The following CPN1 variants were observed in gnomAD, a reference collection of about 807,000 sequenced individuals.
CPN1 encodes carboxypeptidase N subunit 1.
In CPN1, 37 loss-of-function variants were observed where a neutral mutation model predicts 46.4. That is an observed-to-expected ratio of 0.80 (90% confidence interval 0.61 to 1.05). The LOEUF (loss-of-function observed/expected upper bound fraction) is 1.05, where lower values mean the gene tolerates loss of function less well. CPN1 is among the 50% of genes least tolerant of loss of function. The probability of loss-of-function intolerance (pLI) is 0.00; values close to 1 mark genes in which losing one functional copy is unlikely to be tolerated. For missense variants in CPN1, 563 were observed against 602.6 expected, an observed-to-expected ratio of 0.93 and a Z score of 0.69; for synonymous variants, 224 against 235.4, an observed-to-expected ratio of 0.95 and a Z score of 0.44.
rs1432495292 is a variant in CPN1, at chr10:100,046,464, C to T, written c.1230+2294G>A. The stretch of plus-strand genomic sequence containing the variant: ...TCCAGCCTGGGCTACACAGAGAACC[C>T]GTCTCTACAAAAAATAACAAAAATT... On this transcript the variant is annotated intron_variant, in intron 8 of 8. Coordinates refer to ENST00000370418, the MANE Select transcript of CPN1 (RefSeq NM_001308.3). 2.6e-5 allele frequency among the ~76,000 whole-genome samples: 4 copies of T among 151,916 alleles called. No homozygotes were observed. In the East Asian group the frequency reaches 7.7e-4, roughly 29 times the overall value.
intron 2 of CPN1, among the ~76,000 whole-genome samples, chr10:100,075,282 T>G (rs1446558071): frequency 6.6e-6 from 1 of 152,114 alleles, no homozygotes; most frequent in Non-Finnish European, 1.5e-5. Flanking sequence ...AAAGTAAGAC[T>G]CTATCCCAAA....
At chr10:100,053,938 A>T (rs1406049119) in intron 7 of CPN1, among the ~76,000 whole-genome samples, 1 of 152,030 alleles carries the variant, frequency 6.6e-6, no homozygotes, top group Non-Finnish European at 1.5e-5. Context: ...CAAGTCAGCG[A>T]CAAGGCTAAC....
chr10:100,079,839 C>G (rs904387977), intron 1 of CPN1, among the ~76,000 whole-genome samples: 1 of 152,148 alleles, frequency 6.6e-6, no homozygotes, highest in South Asian at 2.1e-4. Context: ...AATCCCAACA[C>G]TTTGGGAGGC....
In CPN1 at chr10:100,076,494, T is replaced by G. The variant is rs1241812248; in HGVS notation, c.224-387A>C. Among the ~76,000 whole-genome samples the G allele has an allele frequency of 2.6e-5, 4 of 152,248 alleles. No individual in the cohort carries two copies. The East Asian group carries it at 7.7e-4, about 29-fold the overall frequency. On this transcript the variant is annotated intron_variant, in intron 1 of 8. Transcript: ENST00000370418. ...ATAGAGGCCCAAGCCCAGGTGGCAC[T>G]TACAGTGCCATTTACAGTAGCATGC...
At chr10:100,050,531 G>A (rs1200378874) in intron 7 of CPN1, among the ~76,000 whole-genome samples, 1 of 152,176 alleles carries the variant, frequency 6.6e-6, no homozygotes, top group Non-Finnish European at 1.5e-5. Context: ...GAGGCCCTGG[G>A]TTGGACAAAA....
At chr10:100,054,862 AT>A (rs1564771987) in intron 6 of CPN1, among the ~76,000 whole-genome samples, 4 of 95,376 alleles carry the variant, frequency 4.2e-5, no homozygotes, top group Non-Finnish European at 9.1e-5. Context: ...TTTTTTTTTA[AT>A]TTTTTTTATT....
rs567825978 is a variant in CPN1 at position 100,081,529 on chromosome 10, G to A, written c.97C>T (p.Arg33Trp). 1.2e-6 allele frequency: 2 copies of A among 1,614,148 alleles called. No homozygotes were observed. Among genetic ancestry groups the A allele is most frequent in the East Asian group, 2.2e-5 (1 of 44,872 alleles). ...TCGTTTTGCACCTTGTACAGCGTCC[G>A]CACAAGATCATCATAGCGGTGGTGG... is the stretch of plus-strand genomic sequence containing the variant. Reference protein sequence around the residue: ...FRHHRYDDLVRTLYKVQNECP... With the variant: ...FRHHRYDDLVWTLYKVQNECP... Residue 33 changes from arginine to tryptophan, a missense_variant, in exon 1 of 9, where the codon CGG becomes TGG. Arg to Trp is a moderately radical substitution (Grantham distance 101). Transcript: ENST00000370418.
chr10:100,070,857 T>C (rs1014872280), intron 2 of CPN1, among the ~76,000 whole-genome samples: 1 of 152,246 alleles, frequency 6.6e-6, no homozygotes, highest in African/African-American at 2.4e-5. Context: ...AATTTTAGTA[T>C]GTTTACGGAG....
rs1376917106 is a variant in CPN1 at position 100,065,350 on chromosome 10, C to G, written c.597G>C (p.Ala199=). The change falls in exon 4 of 9, where the codon GCG becomes GCC. Residue 199 remains alanine (A), a synonymous_variant. Coordinates refer to ENST00000370418, the MANE Select transcript of CPN1 (RefSeq NM_001308.3). ...TGAAGGAGTGCATCCACCGGATCAC[C>G]GCCCGGGTCTCGGGTTCCACCTGGG... is the stretch of plus-strand genomic sequence containing the variant. ...WKSQVEPETR[A]VIRWMHSFNF... The G allele has an allele frequency of 1.2e-6, 2 of 1,614,160 alleles. No homozygotes were observed. The highest frequency in any genetic ancestry group is 1.1e-5 in the South Asian group (1 of 91,080).
At chr10:100,048,631 C>T (rs1262242764) in intron 8 of CPN1, 127 bp downstream of exon 8, 4 of 770,958 alleles carry the variant, frequency 5.2e-6, no homozygotes, top group Middle Eastern at 2.7e-4. Flanking sequence ...CCCAGGAGAT[C>T]GAGGCTGCAG....
intron 8 of CPN1, among the ~76,000 whole-genome samples, chr10:100,045,004 C>A (rs373943339): frequency 6.6e-6 from 1 of 152,228 alleles, no homozygotes; most frequent in African/African-American, 2.4e-5. Context: ...AACCACCACA[C>A]CTGGGCAATA....
At position 100,042,239 on chromosome 10, in the gene CPN1, A is replaced by G. The variant is rs899799030; in HGVS notation, c.*188T>C. 1.2e-5 allele frequency: 9 copies of G among 749,098 alleles called. No homozygotes were observed. Among genetic ancestry groups the G allele is most frequent in the Admixed American group, 6.9e-5 (3 of 43,502 alleles). 46.4% of individuals were successfully genotyped at this position (749,098 alleles called of 1,614,324 possible). ...ACACCCGGCCACCACATCACCTTTC[A>G]ATAGATCCTAATTTTTTTCATGATG... On this transcript the variant is annotated 3_prime_UTR_variant, in exon 9 of 9. Transcript: ENST00000370418.
At chr10:100,078,034 T>C (rs2041525137) in intron 1 of CPN1, among the ~76,000 whole-genome samples, 1 of 152,120 alleles carries the variant, frequency 6.6e-6, no homozygotes, top group African/African-American at 2.4e-5. Flanking sequence ...GCTCTCCTTT[T>C]TCTTTTTTCT....
At chr10:100,061,627 C>A (rs75851147) in intron 5 of CPN1, among the ~76,000 whole-genome samples, 4 of 152,008 alleles carry the variant, frequency 2.6e-5, no homozygotes, top group Non-Finnish European at 5.9e-5. Flanking sequence ...TGGAATTGTA[C>A]CAGCTTAATT....
At position 100,076,053 on chromosome 10, in the gene CPN1, C is replaced by T. The variant is rs767897122; in HGVS notation, c.278G>A (p.Arg93His). 7.4e-6 allele frequency: 12 copies of T among 1,614,132 alleles called. No individual in the cohort carries two copies. The highest frequency in any genetic ancestry group is 5.0e-5 in the Admixed American group (3 of 60,010). The part of the protein sequence containing the change: ...GNMHGNEALG[R>H]ELMLQLSEFL... ...CTCCGACAGCTGCAGCATCAGCTCG[C>T]GGCCCAACGCTTCGTTGCCGTGCAT... Residue 93 changes from arginine to histidine, a missense_variant, in exon 2 of 9, where the codon CGC becomes CAC. Coordinates refer to ENST00000370418, the MANE Select transcript of CPN1 (RefSeq NM_001308.3).
At chr10:100,073,610 CTT>C (rs748410671) in intron 2 of CPN1, among the ~76,000 whole-genome samples, 1,463 of 122,374 alleles carry the variant, frequency 0.012, 8 homozygotes, top group South Asian at 0.045. Flanking sequence ...GCTCTTCCAT[CTT>C]TTTTTTTTTT....
intron 5 of CPN1, among the ~76,000 whole-genome samples, chr10:100,062,769 T>TC (rs1310480286): frequency 6.7e-6 from 1 of 149,310 alleles, no homozygotes; most frequent in Non-Finnish European, 1.5e-5. Context: ...AATTTTTCTT[T>TC]TTTTTTTTTT....
Position 100,042,441 on chromosome 10 carries a change from T to C in CPN1, c.1363A>G (p.Arg455Gly). 1 of 1,613,356 alleles carries C rather than the reference T, an allele frequency of 6.2e-7. No homozygotes were observed. The highest frequency in any genetic ancestry group is 1.9e-4 in the Middle Eastern group (1 of 5,398). The change falls in exon 9 of 9, where the codon AGA (arginine) becomes GGA (glycine). Residue 455 changes from arginine to glycine, a missense_variant. Transcript: ENST00000370418. Reference protein sequence around the residue: ...KKEMEMRQLQRGPA With the variant: ...KKEMEMRQLQGGPA ...CACTGTGGGTTTCAGGCAGGGCCTCTCTGCAGCTGCCTCATCTCCATTTCT... is the reference window on the plus strand; with the variant it reads ...CACTGTGGGTTTCAGGCAGGGCCTCCCTGCAGCTGCCTCATCTCCATTTCT...
Position 100,054,423 on chromosome 10 carries a change from C to T in CPN1, c.1035G>A (p.Met345Ile), listed in dbSNP as rs1279095886. The change falls in exon 7 of 9, where the codon ATG becomes ATA. Residue 345 changes from methionine to isoleucine, a missense_variant. Coordinates refer to ENST00000370418, the MANE Select transcript of CPN1 (RefSeq NM_001308.3). ...GATTATTGTAATTCTCATCAAGCAC[C>T]ATTCCCTTGATGCCCTGGTGAACCT... The part of the protein sequence containing the change: ...LEQVHQGIKG[M>I]VLDENYNNLA... The T allele has an allele frequency of 1.2e-6, 2 of 1,613,850 alleles. No individual in the cohort carries two copies. The highest frequency in any genetic ancestry group is 8.5e-7 in the Non-Finnish European group (1 of 1,179,748).
Sources: allele counts gnomAD v4.1 joint callset (sites outside exome capture counted in the v4.1 genomes callset), GRCh38; gene constraint gnomAD v4.1.1; transcripts MANE v1.5; gene names NCBI Gene and HGNC (gene_info 2026-07-23, HGNC 2026-07-21).